Variants in THSD7A observed in about 807,000 individuals in gnomAD.
The protein encoded by THSD7A is thrombospondin type-1 domain-containing protein 7A.
Under a neutral mutation model 231.3 loss-of-function variants are expected in THSD7A, and 96 were observed. The observed-to-expected ratio is 0.41, with a 90% CI of 0.35 to 0.49. The LOEUF is 0.49. Ranked by LOEUF, THSD7A falls within the 20% of genes least tolerant of loss-of-function variation. The pLI, the probability that THSD7A is intolerant of heterozygous loss-of-function variation, is 0.05. For missense variants in THSD7A, 2,290 were observed against 2,070.2 expected (o/e 1.11, Z -2.06); for synonymous variants, 940 against 743.3 (o/e 1.26, Z -4.30).
intron 8 of THSD7A, among the ~76,000 whole-genome samples, chr7:11,471,282 T>C (rs963613243): frequency 2.0e-5 from 3 of 151,950 alleles, no homozygotes; most frequent in Non-Finnish European, 2.9e-5. Flanking sequence ...CTAAAATAAA[T>C]TGGCAGATCA....
chr7:11,787,761 G>A (rs1364643532), intron 1 of THSD7A, among the ~76,000 whole-genome samples: 2 of 152,002 alleles, frequency 1.3e-5, no homozygotes, highest in Non-Finnish European at 2.9e-5. Context: ...ATCTAAAGCT[G>A]GTAAGGACGT....
chr7:11,488,263 G>A (rs17556768), intron 6 of THSD7A, among the ~76,000 whole-genome samples: 6 of 151,912 alleles, frequency 3.9e-5, no homozygotes, highest in African/African-American at 7.3e-5. Flanking sequence ...TGACTTTTGA[G>A]AGTGATAGTC....
intron 6 of THSD7A, among the ~76,000 whole-genome samples, chr7:11,539,793 G>A (rs570038214): frequency 1.2e-4 from 18 of 152,256 alleles, no homozygotes; most frequent in African/African-American, 4.1e-4. Flanking sequence ...GCATAACACT[G>A]AGGCAGAAGT....
intron 4 of THSD7A, among the ~76,000 whole-genome samples, chr7:11,578,464 C>G (rs1452898075): frequency 1.3e-5 from 2 of 152,032 alleles, no homozygotes; most frequent in African/African-American, 2.4e-5. Flanking sequence ...AAGATATTTC[C>G]AAAGAATACA....
chr7:11,780,466 C>G (rs746616195), intron 1 of THSD7A, among the ~76,000 whole-genome samples: 5 of 152,126 alleles, frequency 3.3e-5, no homozygotes, highest in South Asian at 2.1e-4. Context: ...TTTGAGTTTA[C>G]TCAAGCAGCC....
intron 11 of THSD7A, among the ~76,000 whole-genome samples, chr7:11,459,776 C>G (rs576516467): frequency 7.4e-6 from 1 of 134,608 alleles, no homozygotes; most frequent in East Asian, 2.4e-4. Flanking sequence ...CAGATCAAAT[C>G]AGCAAAAACT....
chr7:11,494,918 A>C (rs1189233939), intron 6 of THSD7A, among the ~76,000 whole-genome samples: 1 of 152,064 alleles, frequency 6.6e-6, no homozygotes, highest in Non-Finnish European at 1.5e-5. Flanking sequence ...AAATATATTA[A>C]TTCTATGTAG....
At chr7:11,713,086 C>T (rs950981978) in intron 1 of THSD7A, among the ~76,000 whole-genome samples, 2 of 151,074 alleles carry the variant, frequency 1.3e-5, no homozygotes, top group African/African-American at 4.8e-5. Context: ...CTCAACTCTT[C>T]CAAACACAGG....
intron 17 of THSD7A, among the ~76,000 whole-genome samples, chr7:11,417,199 G>A (rs1783989732): frequency 2.0e-5 from 3 of 152,142 alleles, no homozygotes; most frequent in Admixed American, 2.0e-4. Context: ...GGCCTTTTGT[G>A]CTGGATTAGG....
chr7:11,702,641 A>G (rs1423971495), intron 1 of THSD7A, among the ~76,000 whole-genome samples: 1 of 151,228 alleles, frequency 6.6e-6, no homozygotes, highest in Non-Finnish European at 1.5e-5. Context: ...AGCAGCAGCT[A>G]CATTACTGTT....
At chr7:11,587,120 A>G (rs573385000) in intron 4 of THSD7A, among the ~76,000 whole-genome samples, 1 of 152,224 alleles carries the variant, frequency 6.6e-6, no homozygotes, top group Non-Finnish European at 1.5e-5. Context: ...ATCTACTTTC[A>G]TTTTACTTTG....
intron 6 of THSD7A, among the ~76,000 whole-genome samples, chr7:11,497,795 A>C (rs62438216): frequency 0.089 from 13,477 of 152,150 alleles, 680 homozygotes; most frequent in Non-Finnish European, 0.11. Context: ...TCAAGGAAAC[A>C]ACCTGACTCA....
At chr7:11,563,796 CTG>C (rs1790180493) in intron 4 of THSD7A, among the ~76,000 whole-genome samples, 5 of 152,194 alleles carry the variant, frequency 3.3e-5, no homozygotes. Context: ...ATCAACTACT[CTG>C]TGCAGTTCAT....
At chr7:11,610,880 A>C (rs1780899315) in intron 2 of THSD7A, among the ~76,000 whole-genome samples, 1 of 152,146 alleles carries the variant, frequency 6.6e-6, no homozygotes, top group Admixed American at 6.5e-5. Context: ...ACTATGTTCC[A>C]AGATGTGTAC....
At chr7:11,554,054 T>C (rs1583962976) in intron 4 of THSD7A, among the ~76,000 whole-genome samples, 1 of 152,140 alleles carries the variant, frequency 6.6e-6, no homozygotes, top group African/African-American at 2.4e-5. Flanking sequence ...ATCCAGTTTC[T>C]CCCATAGGCA....
chr7:11,812,126 TG>T lies in THSD7A; in HGVS notation c.190+19630del, dbSNP rs1298557064. 6.5e-3 allele frequency among the ~76,000 whole-genome samples: 947 copies of T among 145,284 alleles called. 12 individuals carry two copies. Among genetic ancestry groups the T allele is most frequent in the African/African-American group, 0.024 (911 of 37,364 alleles). On this transcript the variant is annotated intron_variant, in intron 1 of 27. Transcript: ENST00000423059. The stretch of plus-strand genomic sequence containing the variant: ...AAAATTGTGTGTGTGTGTGTGTGTG[TG>T]TGTGTGTGTGTGTGGGAGACAGAGA...
chr7:11,556,787 G>A (rs1562715877), intron 4 of THSD7A, among the ~76,000 whole-genome samples: 1 of 151,870 alleles, frequency 6.6e-6, no homozygotes, highest in Non-Finnish European at 1.5e-5. Flanking sequence ...TGAAAAATAT[G>A]GTAGTACTTT....
At chr7:11,429,200 C>T in intron 13 of THSD7A, 75 bp from the exon 14 acceptor site, 1 of 1,423,778 alleles carries the variant, frequency 7.0e-7, no homozygotes, top group Non-Finnish European at 9.4e-7. Flanking sequence ...TATTCTAGGT[C>T]ATTTAGAAGG....
chr7:11,417,369 A>C, intron 17 of THSD7A, 81 bp downstream of exon 17: 1 of 1,311,486 alleles, frequency 7.6e-7, no homozygotes. Context: ...AAGTTATTAT[A>C]TTCAAAAAAT....
Sources: gnomAD v4.1 joint callset for allele counts (sites outside exome capture counted in the v4.1 genomes callset) on GRCh38, gnomAD v4.1.1 for gene constraint, MANE v1.5 for transcripts, NCBI Gene and HGNC (gene_info 2026-07-23, HGNC 2026-07-21) for gene names.